The following MBD3 variants were observed in gnomAD, a reference collection of about 807,000 sequenced individuals.
MBD3 encodes methyl-CpG binding domain protein 3.
Under a neutral mutation model 31.2 loss-of-function variants are expected in MBD3, and 13 were observed. That is an observed-to-expected ratio of 0.42 (90% CI 0.27 to 0.66). MBD3 has a LOEUF of 0.66. Among genes scored for constraint, MBD3 ranks in the 30% least tolerant of loss-of-function variants. The probability of loss-of-function intolerance (pLI) is 0.26; values close to 1 mark genes in which losing one functional copy is unlikely to be tolerated. For missense variants in MBD3, 440 were observed against 426.5 expected (o/e 1.03, Z -0.28); for synonymous variants, 223 against 187.4 (o/e 1.19, Z -1.55).
At chr19:1,584,839 G>C (rs960788566) in intron 2 of MBD3, 162 bp from the exon 3 acceptor site, 1 of 981,376 alleles carries the variant, frequency 1.0e-6, no homozygotes, top group African/African-American at 1.8e-5. Flanking sequence ...CGCAGGGTCG[G>C]TCCGGCCGGC....
chr19:1,578,208 G>A lies in MBD3; in HGVS notation c.*6-50C>T, dbSNP rs1246580112. ...TTTAGCGACTCCACGGGACGGGGACGCTTGGGCTCTTCTAGGGAGATGGGA... is the reference window on the plus strand; with the variant it reads ...TTTAGCGACTCCACGGGACGGGGACACTTGGGCTCTTCTAGGGAGATGGGA... On this transcript the variant is annotated intron_variant, in intron 6 of 6. Coordinates refer to ENST00000434436, the MANE Select transcript of MBD3 (RefSeq NM_001281453.2). This position sits in a 1 kb window ranked among gnomAD's most constrained non-coding sequence, Gnocchi z 6.1. 16 of 1,434,720 alleles carry A rather than the reference G, an allele frequency of 1.1e-5. No individual in the cohort carries two copies. Among genetic ancestry groups the A allele is most frequent in the East Asian group, 2.3e-5 (1 of 43,642 alleles). 88.9% of individuals were successfully genotyped at this position (1,434,720 alleles called of 1,614,324 possible).
At position 1,585,198 on chromosome 19, in the gene MBD3, ACTT is replaced by A; in HGVS notation, c.124_126del (p.Lys42del). On this transcript the variant is annotated inframe_deletion, in exon 2 of 7. Transcript: ENST00000434436. The surrounding 1 kb of genome is among the most constrained non-coding windows in gnomAD (Gnocchi z 4.1). ...CGCGCCAGCTGCGGCTTGCTGCGGA[ACTT>A]CTTCCCGCTCGGGCTGCGGGGAGGC... 1.2e-6 allele frequency: 2 copies of A among 1,601,014 alleles called. No individual in the cohort carries two copies. Among genetic ancestry groups the A allele is most frequent in the Non-Finnish European group, 1.7e-6 (2 of 1,177,980 alleles).
At chr19:1,583,221 A>AT (rs1169293172) in intron 3 of MBD3, 9 of 155,278 alleles carry the variant, frequency 5.8e-5, no homozygotes, top group African/African-American at 2.2e-4. Context: ...GAAAAAAAAA[A>AT]AAAAAAATTA....
chr19:1,581,771 CTT>C (rs35312920), intron 4 of MBD3: 1,447 of 161,660 alleles, frequency 9.0e-3, no homozygotes, highest in South Asian at 0.026. Flanking sequence ...TGCTCTGTAT[CTT>C]TTTTTTTTTT....
At chr19:1,583,769 G>C (rs1165765028) in intron 3 of MBD3, among the ~76,000 whole-genome samples, 2 of 152,138 alleles carry the variant, frequency 1.3e-5, no homozygotes, top group African/African-American at 4.8e-5. Context: ...GAGCAAGCTA[G>C]AAAATACCTG....
chr19:1,580,964 T>C, intron 5 of MBD3, 128 bp downstream of exon 5: 1 of 1,220,640 alleles, frequency 8.2e-7, no homozygotes, highest in Non-Finnish European at 1.2e-6. Context: ...TTGCCCTGGC[T>C]GTTTCTGTTT....
chr19:1,584,743 C>T (rs1186218103), intron 2 of MBD3, 66 bp from the exon 3 acceptor site: 7 of 1,517,494 alleles, frequency 4.6e-6, no homozygotes, highest in South Asian at 1.1e-5. Context: ...TCAGGGGGTG[C>T]GGGGCCCGGG....
intron 3 of MBD3, 26 bp from the exon 4 acceptor site, chr19:1,582,738 C>CA: frequency 6.3e-7 from 1 of 1,599,314 alleles, no homozygotes; most frequent in Non-Finnish European, 8.5e-7. Context: ...ATGTGAACCT[C>CA]AAGAGTGGCC....
Position 1,585,577 on chromosome 19 carries a change from G to GCATT in MBD3, c.111-364_111-363insAATG. ...TCCCCTCTGAATCCTCCCCACCGTA[G>GCATT]GCCCTGGCAGCGTCAGGCACAGCAG... is the stretch of plus-strand genomic sequence containing the variant. On this transcript the variant is annotated intron_variant, in intron 1 of 6. Transcript: ENST00000434436. The surrounding 1 kb of genome is among the most constrained non-coding windows in gnomAD (Gnocchi z 4.1). The GCATT allele has an allele frequency of 3.3e-6, 1 of 298,704 alleles. No homozygotes were observed. Among genetic ancestry groups the GCATT allele is most frequent in the Non-Finnish European group, 6.4e-6 (1 of 155,348 alleles). 18.5% of individuals were successfully genotyped at this position (298,704 alleles called of 1,614,324 possible). A position where few individuals can be genotyped will look rare whatever the true frequency, so the allele number is the denominator to read the frequency against.
In MBD3 at chr19:1,578,560, G is replaced by A. The variant is rs766346110; in HGVS notation, c.678-22C>T. On this transcript the variant is annotated intron_variant, in intron 5 of 6. Transcript: ENST00000434436. The surrounding 1 kb of genome is among the most constrained non-coding windows in gnomAD (Gnocchi z 6.1). Reference sequence around the variant, plus strand: ...CTTCCTGGGGACACATGGACCTTGCGTTACACCAAGGTGAGCGGCCAGCAG... The same window carrying A: ...CTTCCTGGGGACACATGGACCTTGCATTACACCAAGGTGAGCGGCCAGCAG... 1.8e-5 allele frequency: 29 copies of A among 1,610,810 alleles called. No individual in the cohort carries two copies. Among genetic ancestry groups the A allele is most frequent in the Middle Eastern group, 3.3e-4 (2 of 6,032 alleles).
chr19:1,586,789 C>T (rs1055975702), intron 1 of MBD3, among the ~76,000 whole-genome samples: 3 of 151,556 alleles, frequency 2.0e-5, no homozygotes, highest in Non-Finnish European at 2.9e-5. Flanking sequence ...GCCTGAGCCT[C>T]CTGAGTAGCT....
In MBD3 at chr19:1,585,359, C is replaced by T; in HGVS notation, c.111-145G>A. 1 of 875,958 alleles carries T rather than the reference C, an allele frequency of 1.1e-6. No homozygotes were observed. The highest frequency in any genetic ancestry group is 1.7e-6 in the Non-Finnish European group (1 of 579,412). 54.3% of individuals were successfully genotyped at this position (875,958 alleles called of 1,614,324 possible). On this transcript the variant is annotated intron_variant, in intron 1 of 6. Transcript: ENST00000434436. The surrounding 1 kb of genome is among the most constrained non-coding windows in gnomAD (Gnocchi z 4.1). ...CCCAACACGGCCCTGACCCCAAACC[C>T]AGGCAGGCCCTGGCCCCAGCCCCAG... is the stretch of plus-strand genomic sequence containing the variant.
At chr19:1,591,738 G>T (rs1242947319) in intron 1 of MBD3, among the ~76,000 whole-genome samples, 1 of 151,876 alleles carries the variant, frequency 6.6e-6, no homozygotes, top group Non-Finnish European at 1.5e-5. Context: ...GTGGCCGACT[G>T]TCTGGGACTT....
intron 1 of MBD3, among the ~76,000 whole-genome samples, chr19:1,589,416 G>T (rs943079322): frequency 6.6e-6 from 1 of 151,418 alleles, no homozygotes; most frequent in East Asian, 1.9e-4. Flanking sequence ...ACTTTGGGAG[G>T]CCAAGGAGGG....
At chr19:1,591,589 G>A (rs186072416) in intron 1 of MBD3, among the ~76,000 whole-genome samples, 1 of 152,218 alleles carries the variant, frequency 6.6e-6, no homozygotes, top group East Asian at 1.9e-4. Context: ...CATGGCAGGC[G>A]TCCTCCGCTT....
chr19:1,585,253 CCAGACCCCAAACCCAGGCCTCGGCCG>C lies in MBD3; in HGVS notation c.111-65_111-40del. The C allele has an allele frequency of 6.5e-7, 1 of 1,542,900 alleles. No homozygotes were observed. Among genetic ancestry groups the C allele is most frequent in the Non-Finnish European group, 8.7e-7 (1 of 1,150,968 alleles). ...GGACGGTCGGCGCCCCGGGCGGACCCCAGACCCCAAACCCAGGCCTCGGCCGCAGACCCAAACCCAGTCCCAGCCCC... is the reference window on the plus strand; with the variant it reads ...GGACGGTCGGCGCCCCGGGCGGACCCCAGACCCAAACCCAGTCCCAGCCCC... On this transcript the variant is annotated intron_variant, in intron 1 of 6. Coordinates refer to ENST00000434436, the MANE Select transcript of MBD3 (RefSeq NM_001281453.2). The surrounding 1 kb of genome is among the most constrained non-coding windows in gnomAD (Gnocchi z 4.1).
chr19:1,584,787 C>T, intron 2 of MBD3, 110 bp from the exon 3 acceptor site: 1 of 1,179,094 alleles, frequency 8.5e-7, no homozygotes, highest in Non-Finnish European at 1.1e-6. Context: ...CCTCGTGTCC[C>T]CCGCGCCCGC....
At position 1,585,306 on chromosome 19, in the gene MBD3, GCTTCAGGTCGCGAC is replaced by G. The variant is rs1448660582; in HGVS notation, c.111-106_111-93del. The G allele has an allele frequency of 8.1e-5, 114 of 1,415,316 alleles. No homozygotes were observed. Among genetic ancestry groups the G allele is most frequent in the Non-Finnish European group, 1.1e-4 (111 of 1,049,852 alleles). 87.7% of individuals were successfully genotyped at this position (1,415,316 alleles called of 1,614,324 possible). On this transcript the variant is annotated intron_variant, in intron 1 of 6. Transcript: ENST00000434436. The surrounding 1 kb of genome is among the most constrained non-coding windows in gnomAD (Gnocchi z 4.1). ...AGACCCAAACCCAGTCCCAGCCCCA[GCTTCAGGTCGCGAC>G]CCCAGCCCCAGACCCCAACACGGCC...
intron 5 of MBD3, among the ~76,000 whole-genome samples, chr19:1,580,014 T>G (rs571046816): frequency 1.3e-5 from 2 of 152,348 alleles, no homozygotes; most frequent in Non-Finnish European, 2.9e-5. Flanking sequence ...CGCCTCGGCC[T>G]CCCAAAGTGC....
Sources: gnomAD v4.1 joint callset for allele counts (sites outside exome capture counted in the v4.1 genomes callset) on GRCh38, gnomAD v4.1.1 for gene constraint, Gnocchi (gnomAD v3.1) non-coding constraint, MANE v1.5 for transcripts, NCBI Gene and HGNC (gene_info 2026-07-23, HGNC 2026-07-21) for gene names.